The following CLEC16A variants were observed in gnomAD, a reference collection of about 807,000 sequenced individuals.
CLEC16A encodes the protein protein CLEC16A.
In CLEC16A, 51 loss-of-function variants were observed where a neutral mutation model predicts 109.5. The observed-to-expected ratio is 0.47, with a 90% CI of 0.37 to 0.59. The LOEUF is 0.59. Ranked by LOEUF, CLEC16A falls within the 20% of genes least tolerant of loss-of-function variation. The pLI is 0.00. For missense variants in CLEC16A, 1,339 were observed against 1,394.0 expected (o/e 0.96, Z 0.63); for synonymous variants, 673 against 564.2 (o/e 1.19, Z -2.73).
chr16:11,027,660 G>T, intron 13 of CLEC16A: 1 of 1,550,744 alleles, frequency 6.4e-7, no homozygotes, highest in Non-Finnish European at 8.8e-7. Flanking sequence ...CCACCTCTCA[G>T]TGGCCCATCA....
intron 19 of CLEC16A, among the ~76,000 whole-genome samples, chr16:11,075,430 G>GTA (rs2049315322): frequency 8.1e-6 from 1 of 123,530 alleles, no homozygotes; most frequent in Non-Finnish European, 1.8e-5. Flanking sequence ...GTGTGTGTAT[G>GTA]TGTGTGTGTG....
intron 7 of CLEC16A, among the ~76,000 whole-genome samples, chr16:10,975,796 G>A (rs2146498869): frequency 6.6e-6 from 1 of 152,044 alleles, no homozygotes; most frequent in Admixed American, 6.5e-5. Flanking sequence ...ACAGGTGCAT[G>A]CCACCACCCC....
rs924260846 is a variant in CLEC16A at position 11,067,906 on chromosome 16, C to T, written c.2116+6884C>T. Among the ~76,000 whole-genome samples, 8 of 152,212 alleles carry T rather than the reference C, an allele frequency of 5.3e-5. No individual in the cohort carries two copies. In the South Asian group the frequency reaches 1.0e-3, roughly 20 times the overall value. The stretch of plus-strand genomic sequence containing the variant: ...CAGAGGTCCATCCAGTTGGATCCGG[C>T]GTGTTCTCCAAACCGTCGTACCTTT... On this transcript the variant is annotated intron_variant, in intron 19 of 23. Coordinates refer to ENST00000409790, the MANE Select transcript of CLEC16A (RefSeq NM_015226.3).
chr16:11,096,291 G>T (rs1215228846), intron 19 of CLEC16A, among the ~76,000 whole-genome samples: 1 of 152,110 alleles, frequency 6.6e-6, no homozygotes, highest in African/African-American at 2.4e-5. Flanking sequence ...CCTATAGTGA[G>T]CTGTGATGGC....
At chr16:11,066,627 C>G (rs1227460712) in intron 19 of CLEC16A, 2 of 152,226 alleles carry the variant, frequency 1.3e-5, no homozygotes, top group Non-Finnish European at 2.9e-5. Context: ...TCTGAGACTT[C>G]TGACGTAACC....
At chr16:11,028,934 A>T (rs1288648730) in intron 13 of CLEC16A, among the ~76,000 whole-genome samples, 1 of 152,124 alleles carries the variant, frequency 6.6e-6, no homozygotes, top group Non-Finnish European at 1.5e-5. Flanking sequence ...GTGTTTTGTC[A>T]TGTGTATAAT....
intron 10 of CLEC16A, among the ~76,000 whole-genome samples, chr16:10,994,998 C>G (rs907890741): frequency 6.6e-6 from 1 of 152,222 alleles, no homozygotes; most frequent in Non-Finnish European, 1.5e-5. Context: ...CAAATCCTGC[C>G]TCTGCCTCTC....
intron 23 of CLEC16A, among the ~76,000 whole-genome samples, chr16:11,168,095 C>T (rs1451916807): frequency 6.6e-6 from 1 of 152,128 alleles, no homozygotes; most frequent in East Asian, 1.9e-4. Flanking sequence ...TACTTCTTTG[C>T]CTAAAGTTAA....
chr16:11,058,212 C>G (rs1329450946), intron 18 of CLEC16A, among the ~76,000 whole-genome samples: 2 of 152,184 alleles, frequency 1.3e-5, no homozygotes, highest in African/African-American at 4.8e-5. Flanking sequence ...GTCCTTCCTT[C>G]TCTTAGGAGT....
At chr16:11,106,600 C>G (rs962605697) in intron 19 of CLEC16A, among the ~76,000 whole-genome samples, 1 of 151,990 alleles carries the variant, frequency 6.6e-6, no homozygotes, top group Non-Finnish European at 1.5e-5. Flanking sequence ...ATCCTCCTGC[C>G]TCAGCCTCCT....
chr16:11,149,947 C>A (rs950086799), intron 22 of CLEC16A: 1 of 152,182 alleles, frequency 6.6e-6, no homozygotes, highest in Admixed American at 6.5e-5. Flanking sequence ...AACAGAGCCA[C>A]CACCCCTTCT....
At chr16:11,085,031 A>G (rs1228612242) in intron 19 of CLEC16A, among the ~76,000 whole-genome samples, 4 of 152,122 alleles carry the variant, frequency 2.6e-5, no homozygotes, top group East Asian at 3.9e-4. Flanking sequence ...TTGCAGAGAG[A>G]GAGTCGGAGT....
intron 19 of CLEC16A, among the ~76,000 whole-genome samples, chr16:11,110,240 C>T (rs972156732): frequency 3.3e-5 from 5 of 152,196 alleles, no homozygotes; most frequent in African/African-American, 9.7e-5. Flanking sequence ...TTGCCCAGAC[C>T]CCCTCCAGAG....
rs1482020847 is a variant in CLEC16A at position 11,166,246 on chromosome 16, C to T, written c.2642-142C>T. On this transcript the variant is annotated intron_variant, in intron 22 of 23. Transcript: ENST00000409790. ...TCAAAATGTGGCTGGGTCAGGGCCA[C>T]GACCAGTGAGGTCAGCCTGTTCCAG... 32 of 864,414 alleles carry T rather than the reference C, an allele frequency of 3.7e-5. 1 individual carries two copies. The highest frequency in any genetic ancestry group is 2.8e-4 in the East Asian group (9 of 32,440). 53.5% of individuals were successfully genotyped at this position (864,414 alleles called of 1,614,324 possible). A position where few individuals can be genotyped will look rare whatever the true frequency, so the allele number is the denominator to read the frequency against.
chr16:10,967,008 C>T (rs1244522638), intron 3 of CLEC16A, among the ~76,000 whole-genome samples: 1 of 152,218 alleles, frequency 6.6e-6, no homozygotes, highest in South Asian at 2.1e-4. Context: ...TGCCTTAGAC[C>T]CATTGACTCC....
At chr16:11,105,365 C>G (rs1460794938) in intron 19 of CLEC16A, among the ~76,000 whole-genome samples, 3 of 152,156 alleles carry the variant, frequency 2.0e-5, no homozygotes, top group African/African-American at 7.2e-5. Context: ...AGGAGTGAAG[C>G]TTTTGCAAGT....
chr16:11,125,640 G>C (rs1338797759), intron 21 of CLEC16A, among the ~76,000 whole-genome samples: 1 of 152,206 alleles, frequency 6.6e-6, no homozygotes, highest in Non-Finnish European at 1.5e-5. Flanking sequence ...GTCTGAAACA[G>C]CCTTTGTCAG....
At chr16:11,168,937 A>G (rs551680225) in intron 23 of CLEC16A, among the ~76,000 whole-genome samples, 4 of 152,296 alleles carry the variant, frequency 2.6e-5, no homozygotes, top group Non-Finnish European at 4.4e-5. Context: ...TGGCTCGCTC[A>G]CCCAACTTTC....
intron 19 of CLEC16A, 124 bp downstream of exon 19, chr16:11,061,146 C>A: frequency 8.6e-7 from 1 of 1,161,048 alleles, no homozygotes; most frequent in Non-Finnish European, 1.1e-6. Flanking sequence ...TATTATTGAG[C>A]TGTGACCTTG....
Sources: allele counts gnomAD v4.1 joint callset (sites outside exome capture counted in the v4.1 genomes callset), GRCh38; gene constraint gnomAD v4.1.1; transcripts MANE v1.5; gene names NCBI Gene and HGNC (gene_info 2026-07-23, HGNC 2026-07-21).